TTC39C: variants seen among roughly 807,000 people sequenced by gnomAD.
TTC39C encodes tetratricopeptide repeat domain 39C.
Under a neutral mutation model 76.3 loss-of-function variants are expected in TTC39C, and 33 were observed. The observed-to-expected ratio is 0.43, with a 90% confidence interval of 0.33 to 0.58. The LOEUF is 0.58. Among genes scored for constraint, TTC39C ranks in the 20% least tolerant of loss-of-function variants. TTC39C has a pLI of 0.04. For synonymous variants in TTC39C, 254 were observed against 260.6 expected, an observed-to-expected ratio of 0.97 and a Z score of 0.24; for missense variants, 595 against 701.4, an observed-to-expected ratio of 0.85 and a Z score of 1.71.
upstream of TTC39C, chr18:24,014,598 G>A: frequency 3.4e-6 from 1 of 295,462 alleles, no homozygotes; most frequent in Non-Finnish European, 5.9e-6. Flanking sequence ...CGCGAGTTGG[G>A]TGCTTCGGAG....
chr18:24,075,338 C>T (rs902271428), intron 4 of TTC39C, among the ~76,000 whole-genome samples: 6 of 151,720 alleles, frequency 4.0e-5, no homozygotes, highest in South Asian at 2.1e-4. Flanking sequence ...TTGAAGATAA[C>T]GAGGCAGTGG....
At chr18:24,007,556 G>A (rs993779200) in intron 1 of TTC39C, among the ~76,000 whole-genome samples, 1 of 152,060 alleles carries the variant, frequency 6.6e-6, no homozygotes, top group African/African-American at 2.4e-5. Context: ...GCTAGTTTTT[G>A]TATTTTTAGT....
At chr18:23,994,903 T>TA (rs2083249069) in intron 1 of TTC39C, among the ~76,000 whole-genome samples, 49 of 151,850 alleles carry the variant, frequency 3.2e-4, no homozygotes, top group African/African-American at 1.1e-3. Context: ...TTCCTTTTTT[T>TA]TAAAAAAAAA....
At chr18:24,125,794 A>AGC in intron 10 of TTC39C, 2 of 440,970 alleles carry the variant, frequency 4.5e-6, no homozygotes, top group Non-Finnish European at 8.1e-6. Flanking sequence ...TTTGTTATAA[A>AGC]TGTTATTAAT....
intron 12 of TTC39C, 89 bp from the exon 13 acceptor site, chr18:24,131,793 G>C (rs1240792960): frequency 9.3e-7 from 1 of 1,073,826 alleles, no homozygotes; most frequent in African/African-American, 1.6e-5. Context: ...ACAGTGAATT[G>C]TTTTAATTAA....
intron 4 of TTC39C, among the ~76,000 whole-genome samples, chr18:24,077,642 A>C (rs547692203): frequency 6.6e-6 from 1 of 152,256 alleles, no homozygotes; most frequent in Non-Finnish European, 1.5e-5. Context: ...TGCCAGGCAC[A>C]TAATAGAAAC....
chr18:24,059,669 T>C (rs1287374655), intron 1 of TTC39C, among the ~76,000 whole-genome samples: 1 of 152,248 alleles, frequency 6.6e-6, no homozygotes, highest in Non-Finnish European at 1.5e-5. Context: ...AGTGCTGCAG[T>C]GAACATACAT....
At chr18:24,071,216 C>T (rs777568045) in intron 4 of TTC39C, among the ~76,000 whole-genome samples, 3 of 152,128 alleles carry the variant, frequency 2.0e-5, no homozygotes, top group Non-Finnish European at 2.9e-5. Context: ...TGTGAGCTGC[C>T]GTGCCCAGCC....
intron 2 of TTC39C, 85 bp from the exon 3 acceptor site, chr18:24,065,927 T>C: frequency 7.3e-7 from 1 of 1,377,476 alleles, no homozygotes; most frequent in East Asian, 2.6e-5. Flanking sequence ...TAAGTGTTTT[T>C]TTAATTTGGA....
chr18:24,017,165 A>G (rs944939631), intron 1 of TTC39C, among the ~76,000 whole-genome samples: 2 of 152,304 alleles, frequency 1.3e-5, no homozygotes, highest in Middle Eastern at 3.4e-3. Flanking sequence ...GTATCATCCT[A>G]TCAGCTTTCC....
At chr18:24,011,746 C>T (rs2083394970), upstream of TTC39C, among the ~76,000 whole-genome samples, 1 of 152,184 alleles carries the variant, frequency 6.6e-6, no homozygotes, top group South Asian at 2.1e-4. Context: ...ACACCCACTG[C>T]AGAAAGGAAG....
At chr18:24,020,629 T>A (rs2083507506) in intron 1 of TTC39C, among the ~76,000 whole-genome samples, 1 of 152,192 alleles carries the variant, frequency 6.6e-6, no homozygotes, top group Admixed American at 6.5e-5. Context: ...TGAAATCGTC[T>A]GGTAACTTAT....
chr18:24,026,812 G>A (rs972353781), intron 1 of TTC39C, among the ~76,000 whole-genome samples: 1 of 152,012 alleles, frequency 6.6e-6, no homozygotes, highest in African/African-American at 2.4e-5. Flanking sequence ...TCTTTGTGTT[G>A]TACTTCATTA....
intron 1 of TTC39C, among the ~76,000 whole-genome samples, chr18:24,058,231 A>G (rs1379850375): frequency 6.6e-6 from 1 of 152,220 alleles, no homozygotes; most frequent in Non-Finnish European, 1.5e-5. Flanking sequence ...TACCTGGGTG[A>G]TGAAATCATT....
chr18:24,051,177 G>A (rs1431869072), intron 1 of TTC39C, among the ~76,000 whole-genome samples: 6 of 152,054 alleles, frequency 3.9e-5, no homozygotes, highest in African/African-American at 7.3e-5. Flanking sequence ...CTTCCCTTCC[G>A]TGGGGAGGAA....
chr18:24,104,662 T>G (rs1300266639), intron 6 of TTC39C, among the ~76,000 whole-genome samples: 4 of 150,470 alleles, frequency 2.7e-5, no homozygotes, highest in Non-Finnish European at 5.9e-5. Flanking sequence ...CCTAGACCAG[T>G]GCCCAGCGCT....
intron 6 of TTC39C, among the ~76,000 whole-genome samples, chr18:24,110,002 C>T (rs1281908034): frequency 6.6e-6 from 1 of 152,104 alleles, no homozygotes. Context: ...CAGAGTAAGA[C>T]TCTGTCTCAA....
At chr18:24,073,263 C>T (rs1335242999) in intron 4 of TTC39C, among the ~76,000 whole-genome samples, 1 of 152,168 alleles carries the variant, frequency 6.6e-6, no homozygotes, top group Non-Finnish European at 1.5e-5. Flanking sequence ...AGCTGGTGGG[C>T]CTCACCTGCA....
At chr18:24,052,187 T>C (rs1180176346) in intron 1 of TTC39C, among the ~76,000 whole-genome samples, 1 of 152,202 alleles carries the variant, frequency 6.6e-6, no homozygotes, top group African/African-American at 2.4e-5. Context: ...ACAAAAAATA[T>C]GGTGACAAGG....
Sources: allele counts gnomAD v4.1 joint callset (sites outside exome capture counted in the v4.1 genomes callset), GRCh38; gene constraint gnomAD v4.1.1; transcripts MANE v1.5; gene names NCBI Gene and HGNC (gene_info 2026-07-23, HGNC 2026-07-21).